Variants in ERBB4 observed in about 807,000 individuals in gnomAD.
ERBB4 encodes the protein receptor tyrosine-protein kinase erbB-4.
A neutral mutation model predicts 158.0 loss-of-function variants in ERBB4; 42 were observed. The observed-to-expected ratio is 0.27, with a 90% CI of 0.21 to 0.34. The LOEUF is 0.34. ERBB4 is among the 10% of genes least tolerant of loss of function. The pLI, the probability that ERBB4 is intolerant of heterozygous loss-of-function variation, is 1.00. For missense variants in ERBB4, 1,333 were observed against 1,624.1 expected (o/e 0.82, Z 3.08); for synonymous variants, 583 against 558.7 (o/e 1.04, Z -0.61).
chr2:212,213,049 A>G (rs1178260864), intron 1 of ERBB4, among the ~76,000 whole-genome samples: 1 of 152,158 alleles, frequency 6.6e-6, no homozygotes, highest in Non-Finnish European at 1.5e-5. Flanking sequence ...AATTGCAACG[A>G]AAGCCAAAAT....
At chr2:211,619,296 A>G in intron 18 of ERBB4, 21 bp from the exon 19 acceptor site, 1 of 1,342,744 alleles carries the variant, frequency 7.4e-7, no homozygotes, top group East Asian at 2.3e-5. Context: ...AAAAATTTAC[A>G]TTAAATATGA....
intron 2 of ERBB4, among the ~76,000 whole-genome samples, chr2:211,990,123 T>A (rs1307309056): frequency 6.6e-6 from 1 of 152,028 alleles, no homozygotes; most frequent in Non-Finnish European, 1.5e-5. Flanking sequence ...AAGAGATGAT[T>A]TATCAGATCA....
At chr2:211,547,076 C>T (rs553421862) in intron 20 of ERBB4, among the ~76,000 whole-genome samples, 1 of 151,914 alleles carries the variant, frequency 6.6e-6, no homozygotes, top group African/African-American at 2.4e-5. Context: ...TTGTGTAAAA[C>T]CAGTGAATCT....
chr2:211,481,773 AC>A (rs886607301), intron 20 of ERBB4, among the ~76,000 whole-genome samples: 5 of 152,124 alleles, frequency 3.3e-5, no homozygotes, highest in Non-Finnish European at 7.4e-5. Context: ...GAAAATTGAA[AC>A]TAGATATGAT....
chr2:211,947,694 A>T (rs1259158249), intron 2 of ERBB4, 78 bp from the exon 3 acceptor site: 3 of 1,232,324 alleles, frequency 2.4e-6, no homozygotes, highest in East Asian at 2.5e-5. Context: ...GATTAAAATG[A>T]GTTATTAAAC....
At chr2:211,721,307 C>T (rs2074081833) in intron 7 of ERBB4, among the ~76,000 whole-genome samples, 1 of 151,996 alleles carries the variant, frequency 6.6e-6, no homozygotes, top group Non-Finnish European at 1.5e-5. Flanking sequence ...CCTACTGTAT[C>T]ACATACACAA....
intron 18 of ERBB4, among the ~76,000 whole-genome samples, chr2:211,623,106 T>A (rs1291605382): frequency 1.4e-5 from 2 of 141,136 alleles, no homozygotes; most frequent in African/African-American, 2.6e-5. Context: ...ATTCAGCATT[T>A]GCCCAGAAGA....
chr2:212,180,749 G>T (rs560574341), intron 1 of ERBB4, among the ~76,000 whole-genome samples: 1 of 151,572 alleles, frequency 6.6e-6, no homozygotes, highest in African/African-American at 2.4e-5. Context: ...ATTTAGAAAC[G>T]TATATTTCTA....
At chr2:212,007,136 T>G (rs2076277969) in intron 2 of ERBB4, among the ~76,000 whole-genome samples, 1 of 152,006 alleles carries the variant, frequency 6.6e-6, no homozygotes, top group Non-Finnish European at 1.5e-5. Flanking sequence ...TTATTTGTAT[T>G]AAATAATTTA....
chr2:211,435,437 C>A (rs1218976318), intron 20 of ERBB4, among the ~76,000 whole-genome samples: 1 of 152,156 alleles, frequency 6.6e-6, no homozygotes, highest in Non-Finnish European at 1.5e-5. Context: ...AAAACAAAGG[C>A]TAGGCGAGGT....
At chr2:212,082,092 G>C (rs1001163796) in intron 2 of ERBB4, among the ~76,000 whole-genome samples, 2 of 151,994 alleles carry the variant, frequency 1.3e-5, no homozygotes, top group African/African-American at 4.8e-5. Context: ...TTTTCAGTTA[G>C]TGACACTCTT....
chr2:211,876,057 C>T (rs542366480), intron 3 of ERBB4, among the ~76,000 whole-genome samples: 33 of 152,262 alleles, frequency 2.2e-4, no homozygotes, highest in Admixed American at 5.2e-4. Context: ...GACTGTACTT[C>T]TGAAATAAAT....
chr2:212,367,820 CAT>C (rs2089945202), intron 1 of ERBB4, among the ~76,000 whole-genome samples: 1 of 151,966 alleles, frequency 6.6e-6, no homozygotes, highest in East Asian at 1.9e-4. Context: ...GGCCAACAAA[CAT>C]ATGAAAAAAT....
At chr2:211,676,493 CAT>C (rs1282520433) in intron 13 of ERBB4, among the ~76,000 whole-genome samples, 4 of 151,908 alleles carry the variant, frequency 2.6e-5, no homozygotes, top group African/African-American at 9.7e-5. Flanking sequence ...TATACATACA[CAT>C]GTTTATAAAT....
chr2:212,163,334 G>T (rs16847823), intron 1 of ERBB4, among the ~76,000 whole-genome samples: 23,140 of 151,850 alleles, frequency 0.15, 1,953 homozygotes, highest in South Asian at 0.3. Context: ...AAACATAAAT[G>T]ATATAAAGGC....
chr2:211,426,715 T>G (rs2063636393), intron 22 of ERBB4, among the ~76,000 whole-genome samples: 2 of 151,556 alleles, frequency 1.3e-5, no homozygotes, highest in African/African-American at 4.9e-5. Flanking sequence ...TGAGCTAATT[T>G]AAATTTGCCT....
At chr2:212,402,837 T>C (rs1340570405) in intron 1 of ERBB4, among the ~76,000 whole-genome samples, 2 of 152,102 alleles carry the variant, frequency 1.3e-5, no homozygotes, top group Non-Finnish European at 2.9e-5. Context: ...ATAAATATCA[T>C]ACCAAAAATA....
chr2:212,122,728 A>AT lies in ERBB4; in HGVS notation c.234+2023dup, dbSNP rs1031276828. 2.0e-5 allele frequency among the ~76,000 whole-genome samples: 3 copies of AT among 152,052 alleles called. No individual in the cohort carries two copies. In the East Asian group the frequency reaches 5.8e-4, roughly 29 times the overall value. ...AAAGGTTAAATATGGACTAAAGTCT[A>AT]TTTTTTATCATTCCATGCTGTTACC... On this transcript the variant is annotated intron_variant, in intron 2 of 27. Coordinates refer to ENST00000342788, the MANE Select transcript of ERBB4 (RefSeq NM_005235.3).
At chr2:212,191,740 TTACATATAACACGTGTTATACATGTTA>T (rs1559703925) in intron 1 of ERBB4, among the ~76,000 whole-genome samples, 1 of 146,508 alleles carries the variant, frequency 6.8e-6, no homozygotes, top group Non-Finnish European at 1.5e-5. Flanking sequence ...GTTATACATG[TTACATATAACACGTGTTATACATGTTA>T]TATATAACAC....
Sources: gnomAD v4.1 joint callset for allele counts (sites outside exome capture counted in the v4.1 genomes callset) on GRCh38, gnomAD v4.1.1 for gene constraint, MANE v1.5 for transcripts, NCBI Gene and HGNC (gene_info 2026-07-23, HGNC 2026-07-21) for gene names.